The following ROR1 variants were observed in gnomAD, a reference collection of about 807,000 sequenced individuals.
ROR1 encodes ROR family WNT receptor 1, also known as inactive tyrosine-protein kinase transmembrane receptor ROR1.
ROR1 carries 19 observed loss-of-function variants against 78.8 expected under a neutral mutation model. That is an observed-to-expected ratio of 0.24 (90% CI 0.17 to 0.35). The LOEUF (loss-of-function observed/expected upper bound fraction) is 0.35. Ranked by LOEUF, ROR1 falls within the 10% of genes least tolerant of loss-of-function variation. The probability of loss-of-function intolerance (pLI) is 1.00; values close to 1 mark genes in which losing one functional copy is unlikely to be tolerated. For synonymous variants in ROR1, 386 were observed against 433.6 expected, an observed-to-expected ratio of 0.89 and a Z score of 1.36; for missense variants, 917 against 1,177.8, an observed-to-expected ratio of 0.78 and a Z score of 3.24.
chr1:63,867,438 A>G (rs529620200), intron 1 of ROR1, among the ~76,000 whole-genome samples: 1 of 152,250 alleles, frequency 6.6e-6, no homozygotes, highest in South Asian at 2.1e-4. Context: ...ATTCAGCTCC[A>G]TTACTTAATA....
At chr1:63,976,759 C>T (rs1182586266) in intron 1 of ROR1, among the ~76,000 whole-genome samples, 2 of 152,026 alleles carry the variant, frequency 1.3e-5, no homozygotes, top group African/African-American at 4.8e-5. Context: ...AATCTTGGGC[C>T]AGAAGTGTTT....
intron 1 of ROR1, among the ~76,000 whole-genome samples, chr1:63,958,493 A>G (rs1210270692): frequency 6.6e-6 from 1 of 152,210 alleles, no homozygotes; most frequent in Non-Finnish European, 1.5e-5. Context: ...AGAGGAGAAC[A>G]TATTTAGAAA....
In ROR1 at chr1:64,069,572, C is replaced by T. The variant is rs371089568; in HGVS notation, c.482+18856C>T. 5.3e-5 allele frequency among the ~76,000 whole-genome samples: 8 copies of T among 151,594 alleles called. No individual in the cohort carries two copies. In the East Asian group the frequency reaches 7.7e-4, roughly 15 times the overall value. On this transcript the variant is annotated intron_variant, in intron 4 of 8. Coordinates refer to ENST00000371079, the MANE Select transcript of ROR1 (RefSeq NM_005012.4). ...TTCATGTGTGTGATTGGGTGATCAT[C>T]GTGATTAAAGAGAAAGGGTAAATTG...
At chr1:64,017,870 T>A (rs1210649099) in intron 2 of ROR1, among the ~76,000 whole-genome samples, 1 of 152,312 alleles carries the variant, frequency 6.6e-6, no homozygotes, top group East Asian at 1.9e-4. Flanking sequence ...ATCTACCTTA[T>A]ATCTTGAGTC....
chr1:63,823,764 C>CT (rs879676151), intron 1 of ROR1, among the ~76,000 whole-genome samples: 186 of 144,850 alleles, frequency 1.3e-3, no homozygotes, highest in East Asian at 1.8e-3. Context: ...AAATCTTAAA[C>CT]TTTTTTTTTT....
chr1:63,893,177 T>C (rs1209237662), intron 1 of ROR1, among the ~76,000 whole-genome samples: 1 of 152,108 alleles, frequency 6.6e-6, no homozygotes, highest in African/African-American at 2.4e-5. Flanking sequence ...AGTAAACATC[T>C]TCTGGGCACA....
At chr1:63,836,866 G>T (rs1251009077) in intron 1 of ROR1, among the ~76,000 whole-genome samples, 2 of 152,064 alleles carry the variant, frequency 1.3e-5, no homozygotes, top group African/African-American at 2.4e-5. Flanking sequence ...AAGCTTGTGG[G>T]CCTGTTGAGT....
intron 4 of ROR1, among the ~76,000 whole-genome samples, chr1:64,074,391 G>T (rs1330045534): frequency 6.6e-6 from 1 of 152,194 alleles, no homozygotes; most frequent in Admixed American, 6.5e-5. Context: ...ACTAAACTCT[G>T]TGGGAAGTCA....
chr1:63,892,629 T>A (rs1488223182), intron 1 of ROR1, among the ~76,000 whole-genome samples: 1 of 152,184 alleles, frequency 6.6e-6, no homozygotes, highest in African/African-American at 2.4e-5. Flanking sequence ...ACCCAGTATT[T>A]TTTTTCTTAC....
chr1:64,036,165 G>A (rs1646700532), intron 2 of ROR1, among the ~76,000 whole-genome samples: 1 of 152,096 alleles, frequency 6.6e-6, no homozygotes, highest in Non-Finnish European at 1.5e-5. Flanking sequence ...TTTACCCAGG[G>A]TCACACAGCT....
chr1:64,059,140 C>A (rs1646897008), intron 4 of ROR1, among the ~76,000 whole-genome samples: 1 of 152,108 alleles, frequency 6.6e-6, no homozygotes, highest in Non-Finnish European at 1.5e-5. Flanking sequence ...TCTGTAACAT[C>A]ATTAATGATA....
At chr1:63,814,307 G>T (rs1238225904) in intron 1 of ROR1, among the ~76,000 whole-genome samples, 4 of 152,066 alleles carry the variant, frequency 2.6e-5, no homozygotes, top group Non-Finnish European at 5.9e-5. Flanking sequence ...CTCCTTTCTT[G>T]ATTTGTTGCA....
chr1:64,031,111 G>A (rs182444107), intron 2 of ROR1, among the ~76,000 whole-genome samples: 8 of 152,086 alleles, frequency 5.3e-5, no homozygotes, highest in Non-Finnish European at 7.4e-5. Context: ...TGAGCAACCC[G>A]CCCGCCTCTG....
chr1:63,947,468 C>A (rs1645899579), intron 1 of ROR1, among the ~76,000 whole-genome samples: 1 of 152,114 alleles, frequency 6.6e-6, no homozygotes, highest in Admixed American at 6.5e-5. Flanking sequence ...TAAAGCATTC[C>A]CATCCAAACA....
At chr1:64,137,993 C>T (rs930262638) in intron 5 of ROR1, among the ~76,000 whole-genome samples, 2 of 152,212 alleles carry the variant, frequency 1.3e-5, no homozygotes, top group African/African-American at 4.8e-5. Flanking sequence ...AGTGATGAAG[C>T]AAGATGACCA....
chr1:63,905,372 A>G (rs777277230), intron 1 of ROR1, among the ~76,000 whole-genome samples: 57 of 152,184 alleles, frequency 3.7e-4, no homozygotes, highest in Non-Finnish European at 7.9e-4. Context: ...TTGCCTTACT[A>G]CAGACCTTAA....
At chr1:63,914,360 G>A (rs995818775) in intron 1 of ROR1, among the ~76,000 whole-genome samples, 3 of 152,212 alleles carry the variant, frequency 2.0e-5, no homozygotes, top group African/African-American at 2.4e-5. Context: ...GGAACCCTGC[G>A]TGCCTGGTTT....
chr1:63,955,586 G>A (rs7516135), intron 1 of ROR1, among the ~76,000 whole-genome samples: 3 of 152,134 alleles, frequency 2.0e-5, no homozygotes, highest in Non-Finnish European at 4.4e-5. Context: ...AATAAATCCA[G>A]CTGCTTCCTG....
intron 1 of ROR1, among the ~76,000 whole-genome samples, chr1:63,862,760 A>G (rs1645190055): frequency 6.6e-6 from 1 of 152,160 alleles, no homozygotes; most frequent in Non-Finnish European, 1.5e-5. Context: ...TGACATAAAC[A>G]TGGGAACACT....
Sources: gnomAD v4.1 joint callset for allele counts (sites outside exome capture counted in the v4.1 genomes callset) on GRCh38, gnomAD v4.1.1 for gene constraint, MANE v1.5 for transcripts, NCBI Gene and HGNC (gene_info 2026-07-23, HGNC 2026-07-21) for gene names.